Variants in ULK4 observed in about 807,000 individuals in gnomAD.
The protein encoded by ULK4 is inactive serine/threonine-protein kinase ULK4.
ULK4 carries 133 observed loss-of-function variants against 160.6 expected under a neutral mutation model. That is an observed-to-expected ratio of 0.83 (90% confidence interval 0.72 to 0.96). The LOEUF (loss-of-function observed/expected upper bound fraction) is 0.96. Among genes scored for constraint, ULK4 ranks in the 40% least tolerant of loss-of-function variants. The probability of loss-of-function intolerance (pLI) is 0.00; values close to 1 mark genes in which losing one functional copy is unlikely to be tolerated. For synonymous variants in ULK4, 534 were observed against 539.8 expected, an observed-to-expected ratio of 0.99 and a Z score of 0.15; for missense variants, 1,580 against 1,499.5, an observed-to-expected ratio of 1.05 and a Z score of -0.89.
chr3:41,703,004 C>T (rs2036734832), intron 27 of ULK4, among the ~76,000 whole-genome samples: 1 of 151,914 alleles, frequency 6.6e-6, no homozygotes, highest in South Asian at 2.1e-4. Context: ...CAGGCACACA[C>T]CACCATGCCC....
At chr3:41,741,750 C>G (rs1276358787) in intron 22 of ULK4, among the ~76,000 whole-genome samples, 4 of 151,822 alleles carry the variant, frequency 2.6e-5, no homozygotes, top group Non-Finnish European at 1.5e-5. Flanking sequence ...ACTATCCCAC[C>G]AACTCTATAA....
At chr3:41,727,942 G>C (rs2037706166) in intron 22 of ULK4, among the ~76,000 whole-genome samples, 1 of 152,174 alleles carries the variant, frequency 6.6e-6, no homozygotes, top group African/African-American at 2.4e-5. Context: ...TGATTGGATA[G>C]GAGAGGTGAA....
intron 35 of ULK4, among the ~76,000 whole-genome samples, chr3:41,295,635 C>T (rs80164829): frequency 0.011 from 1,199 of 108,300 alleles, 233 homozygotes; most frequent in African/African-American, 0.026. Context: ...ATAACAGACA[C>T]CTCACCAAAG....
chr3:41,934,664 T>C (rs1031771521), intron 4 of ULK4, among the ~76,000 whole-genome samples: 1 of 152,204 alleles, frequency 6.6e-6, no homozygotes, highest in Non-Finnish European at 1.5e-5. Flanking sequence ...TTCTAAGTGT[T>C]AGTGTTGATT....
intron 20 of ULK4, among the ~76,000 whole-genome samples, chr3:41,799,204 A>G (rs767297380): frequency 6.6e-6 from 1 of 152,172 alleles, no homozygotes; most frequent in African/African-American, 2.4e-5. Flanking sequence ...ATAGCGTTTG[A>G]GAGCCCAGAT....
At chr3:41,692,855 T>C (rs544906659) in intron 27 of ULK4, among the ~76,000 whole-genome samples, 27 of 152,270 alleles carry the variant, frequency 1.8e-4, no homozygotes, top group Admixed American at 4.6e-4. Context: ...CCCCCACCCA[T>C]TTTTTTAAAA....
rs564509099 is a variant in ULK4 at position 41,530,700 on chromosome 3, C to G, written c.3226+35325G>C. ...TGGTTTGTAATTCAACAACAGCTGA[C>G]CAACTTGAAAAACAACTAGAATAAC... On this transcript the variant is annotated intron_variant, in intron 32 of 36. Coordinates refer to ENST00000301831, the MANE Select transcript of ULK4 (RefSeq NM_017886.4). Among the ~76,000 whole-genome samples the G allele has an allele frequency of 1.2e-3, 187 of 152,260 alleles. 1 individual carries two copies. Among genetic ancestry groups the G allele is most frequent in the Non-Finnish European group, 2.0e-3 (133 of 68,010 alleles).
intron 2 of ULK4, among the ~76,000 whole-genome samples, chr3:41,954,278 T>C (rs1416997278): frequency 6.6e-6 from 1 of 151,544 alleles, no homozygotes; most frequent in Admixed American, 6.6e-5. Context: ...GAGGATCATC[T>C]GAGCCCAGGA....
chr3:41,443,782 T>C (rs997474997), intron 34 of ULK4, among the ~76,000 whole-genome samples: 1 of 151,996 alleles, frequency 6.6e-6, no homozygotes, highest in Non-Finnish European at 1.5e-5. Context: ...TATATACACA[T>C]TTTAAAATAC....
chr3:41,806,130 G>A (rs1017971742), intron 19 of ULK4, among the ~76,000 whole-genome samples: 1 of 146,626 alleles, frequency 6.8e-6, no homozygotes, highest in African/African-American at 2.6e-5. Flanking sequence ...CTTTTTCGTT[G>A]GTAAGCTATT....
intron 35 of ULK4, among the ~76,000 whole-genome samples, chr3:41,292,488 T>C (rs1264811347): frequency 1.3e-5 from 2 of 151,978 alleles, no homozygotes; most frequent in African/African-American, 2.4e-5. Flanking sequence ...CTACTAAAAA[T>C]ACAAAAAATT....
At chr3:41,406,590 C>G (rs1421911872) in intron 34 of ULK4, among the ~76,000 whole-genome samples, 1 of 152,146 alleles carries the variant, frequency 6.6e-6, no homozygotes, top group Admixed American at 6.5e-5. Context: ...AGACCATTTA[C>G]ATTTAAGGTA....
chr3:41,873,872 G>GTT (rs56104260), intron 17 of ULK4, among the ~76,000 whole-genome samples: 23 of 148,488 alleles, frequency 1.5e-4, no homozygotes, highest in East Asian at 9.9e-4. Flanking sequence ...TGTTTTTGTG[G>GTT]TTTTTTTTGT....
intron 5 of ULK4, among the ~76,000 whole-genome samples, chr3:41,920,412 G>A (rs1355500572): frequency 6.6e-6 from 1 of 152,184 alleles, no homozygotes; most frequent in East Asian, 1.9e-4. Flanking sequence ...GAAATATTTA[G>A]TGAAAAGCCC....
intron 30 of ULK4, among the ~76,000 whole-genome samples, chr3:41,655,253 C>T (rs1368087835): frequency 6.6e-6 from 1 of 151,680 alleles, no homozygotes; most frequent in Non-Finnish European, 1.5e-5. Flanking sequence ...TGGAAACCAT[C>T]ATTCTCAGCA....
intron 13 of ULK4, among the ~76,000 whole-genome samples, chr3:41,900,329 T>C (rs887893590): frequency 6.6e-6 from 1 of 152,148 alleles, no homozygotes; most frequent in Non-Finnish European, 1.5e-5. Flanking sequence ...CTCTGACTGC[T>C]TGTGCCTTCG....
chr3:41,433,542 C>A (rs2082961929), intron 34 of ULK4, among the ~76,000 whole-genome samples: 1 of 152,176 alleles, frequency 6.6e-6, no homozygotes, highest in Non-Finnish European at 1.5e-5. Flanking sequence ...CAGTGCAGTT[C>A]TCTTTGCCAG....
chr3:41,835,875 C>T lies in ULK4; in HGVS notation c.1753G>A (p.Val585Ile), dbSNP rs1337018496. 10 of 1,607,960 alleles carry T rather than the reference C, an allele frequency of 6.2e-6. No individual in the cohort carries two copies. Among genetic ancestry groups the T allele is most frequent in the Admixed American group, 1.7e-5 (1 of 59,450 alleles). The stretch of plus-strand genomic sequence containing the variant: ...TCAGACAGTCTCACCTGGGTGGCTA[C>T]AAGATAGATCAGCTCCCCAAGGGTT... The part of the protein sequence containing the change: ...LPTLGELIYL[V>I]ATQEEKKKNP... Residue 585 changes from valine to isoleucine, a missense_variant, in exon 18 of 37, where the codon GTA becomes ATA. Physicochemically the swap from Val to Ile is conservative, Grantham distance 29. Transcript: ENST00000301831.
rs1307053686 is a variant in ULK4, at chr3:41,294,459, T to A, written c.3679-44885A>T. ...CAAATGGATTAAGACAACAGATCAT[T>A]TGAGACCAGCTGTCACAGGCTTTGT... On this transcript the variant is annotated intron_variant, in intron 35 of 36. Coordinates refer to ENST00000301831, the MANE Select transcript of ULK4 (RefSeq NM_017886.4). Among the ~76,000 whole-genome samples the A allele has an allele frequency of 1.3e-5, 2 of 152,208 alleles. 1 individual carries two copies. The highest frequency in any genetic ancestry group is 4.8e-5 in the African/African-American group (2 of 41,446).
Sources: gnomAD v4.1 joint callset for allele counts (sites outside exome capture counted in the v4.1 genomes callset) on GRCh38, gnomAD v4.1.1 for gene constraint, MANE v1.5 for transcripts, NCBI Gene and HGNC (gene_info 2026-07-23, HGNC 2026-07-21) for gene names.